KCNIP4: variants seen among roughly 807,000 people sequenced by gnomAD.
KCNIP4 encodes the protein potassium voltage-gated channel interacting protein 4.
Under a neutral mutation model 34.0 loss-of-function variants are expected in KCNIP4, and 12 were observed. That is an observed-to-expected ratio of 0.35 (90% confidence interval 0.23 to 0.57). The LOEUF (loss-of-function observed/expected upper bound fraction) is 0.57, where lower values mean the gene tolerates loss of function less well. Ranked by LOEUF, KCNIP4 falls within the 20% of genes least tolerant of loss-of-function variation. KCNIP4 has a pLI of 0.83. For missense variants in KCNIP4, 238 were observed against 311.7 expected, an observed-to-expected ratio of 0.76 and a Z score of 1.78; for synonymous variants, 124 against 102.2, an observed-to-expected ratio of 1.21 and a Z score of -1.29.
intron 1 of KCNIP4, among the ~76,000 whole-genome samples, chr4:21,526,568 A>G (rs1735992220): frequency 1.3e-5 from 2 of 152,034 alleles, no homozygotes; most frequent in Admixed American, 1.3e-4. Flanking sequence ...ATCTATTCAT[A>G]TATATAGATT....
chr4:21,301,195 C>T (rs1171748537), intron 1 of KCNIP4, among the ~76,000 whole-genome samples: 1 of 152,036 alleles, frequency 6.6e-6, no homozygotes, highest in Non-Finnish European at 1.5e-5. Flanking sequence ...TAAAGATAAG[C>T]AAATACAAAT....
intron 1 of KCNIP4, among the ~76,000 whole-genome samples, chr4:21,776,411 C>T (rs1719184655): frequency 6.6e-6 from 1 of 152,096 alleles, no homozygotes; most frequent in Non-Finnish European, 1.5e-5. Context: ...GTTTCTTCAA[C>T]ATGAGTCATG....
chr4:21,213,141 A>T (rs1209261858), intron 1 of KCNIP4, among the ~76,000 whole-genome samples: 2 of 152,184 alleles, frequency 1.3e-5, no homozygotes, highest in Non-Finnish European at 2.9e-5. Context: ...CCACTGCGTC[A>T]GCCATGGGAG....
intron 2 of KCNIP4, among the ~76,000 whole-genome samples, chr4:20,873,127 C>A (rs73802383): frequency 0.036 from 5,437 of 152,238 alleles, 99 homozygotes; most frequent in African/African-American, 0.053. Context: ...CCTTCCACCA[C>A]GATTGCCATG....
chr4:21,745,704 C>A (rs6448074), intron 1 of KCNIP4, among the ~76,000 whole-genome samples: 113,485 of 152,070 alleles, frequency 0.75, 44,092 homozygotes, highest in African/African-American at 0.91. Flanking sequence ...CAAAAGCACA[C>A]AGGAAAAGAT....
chr4:21,468,035 G>A (rs1730143338), intron 1 of KCNIP4, among the ~76,000 whole-genome samples: 1 of 152,148 alleles, frequency 6.6e-6, no homozygotes, highest in African/African-American at 2.4e-5. Context: ...TTCTTTGAGA[G>A]TAACCCTTAG....
chr4:21,228,498 C>T (rs1758563441), intron 1 of KCNIP4, among the ~76,000 whole-genome samples: 1 of 152,098 alleles, frequency 6.6e-6, no homozygotes, highest in Non-Finnish European at 1.5e-5. Context: ...TAATACACAG[C>T]CCCATCCTGC....
intron 1 of KCNIP4, among the ~76,000 whole-genome samples, chr4:21,287,151 C>T (rs907681091): frequency 2.6e-5 from 4 of 152,120 alleles, no homozygotes; most frequent in Non-Finnish European, 4.4e-5. Context: ...ACTGTTGCTC[C>T]AGTAGTGCTA....
intron 1 of KCNIP4, among the ~76,000 whole-genome samples, chr4:21,105,201 CATG>C (rs1471554243): frequency 1.3e-5 from 2 of 151,584 alleles, no homozygotes; most frequent in Non-Finnish European, 2.9e-5. Context: ...TGGCCATTTT[CATG>C]ATATTGATTC....
intron 1 of KCNIP4, among the ~76,000 whole-genome samples, chr4:21,612,982 G>A (rs116062677): frequency 0.011 from 1,622 of 152,216 alleles, 33 homozygotes; most frequent in African/African-American, 0.037. Flanking sequence ...TAAGTAGGCC[G>A]TTCAAAGGTA....
intron 1 of KCNIP4, among the ~76,000 whole-genome samples, chr4:21,290,093 C>A (rs1281266273): frequency 6.6e-6 from 1 of 152,106 alleles, no homozygotes; most frequent in Non-Finnish European, 1.5e-5. Context: ...ACTTTTTTGA[C>A]ATAGAAATAT....
chr4:21,604,037 G>A (rs951541401), intron 1 of KCNIP4, among the ~76,000 whole-genome samples: 8 of 151,894 alleles, frequency 5.3e-5, no homozygotes, highest in African/African-American at 1.4e-4. Context: ...TTTTTCATTC[G>A]TCGATTATAA....
At chr4:21,004,498 G>A (rs1738392491) in intron 1 of KCNIP4, among the ~76,000 whole-genome samples, 2 of 152,154 alleles carry the variant, frequency 1.3e-5, no homozygotes, top group Non-Finnish European at 2.9e-5. Flanking sequence ...ACACAGAGGT[G>A]ATGGTCCATA....
intron 1 of KCNIP4, among the ~76,000 whole-genome samples, chr4:21,757,352 T>C (rs1448760963): frequency 2.0e-5 from 3 of 152,118 alleles, no homozygotes; most frequent in African/African-American, 7.2e-5. Flanking sequence ...GATACCTCTT[T>C]GTGTGGGTTA....
At chr4:21,010,541 G>C (rs1738976664) in intron 1 of KCNIP4, among the ~76,000 whole-genome samples, 1 of 152,070 alleles carries the variant, frequency 6.6e-6, no homozygotes, top group Non-Finnish European at 1.5e-5. Context: ...TTGATTTTGG[G>C]AAATAGCAAA....
chr4:21,646,129 T>C (rs1310385292), intron 1 of KCNIP4, among the ~76,000 whole-genome samples: 4 of 152,178 alleles, frequency 2.6e-5, no homozygotes, highest in African/African-American at 4.8e-5. Context: ...CTTCATTGTC[T>C]TGATTTCTCC....
intron 1 of KCNIP4, among the ~76,000 whole-genome samples, chr4:21,105,529 T>C (rs575974815): frequency 1.3e-5 from 2 of 151,830 alleles, no homozygotes; most frequent in African/African-American, 4.9e-5. Context: ...TATACAATCA[T>C]GTCATCTGCA....
intron 5 of KCNIP4, among the ~76,000 whole-genome samples, chr4:20,748,558 TTTTATATATATA>T (rs1244569726): frequency 0.011 from 1,328 of 118,522 alleles, 30 homozygotes; most frequent in African/African-American, 0.024. Flanking sequence ...ACCTTCCAAA[TTTTATATATATA>T]TATATATATA....
At chr4:21,439,669 T>A (rs1171245143) in intron 1 of KCNIP4, among the ~76,000 whole-genome samples, 2 of 152,222 alleles carry the variant, frequency 1.3e-5, no homozygotes, top group African/African-American at 4.8e-5. Context: ...AACACATCCC[T>A]TCTCCCTTCT....
Sources: allele counts gnomAD v4.1 joint callset (sites outside exome capture counted in the v4.1 genomes callset), GRCh38; gene constraint gnomAD v4.1.1; transcripts MANE v1.5; gene names NCBI Gene and HGNC (gene_info 2026-07-23, HGNC 2026-07-21).